DENND2C: variants seen among roughly 807,000 people sequenced by gnomAD.
DENND2C encodes the protein DENN domain containing 2C.
A neutral mutation model predicts 112.4 loss-of-function variants in DENND2C; 72 were observed. That is an observed-to-expected ratio of 0.64 (90% CI 0.53 to 0.78). DENND2C has a LOEUF of 0.78. Among genes scored for constraint, DENND2C ranks in the 30% least tolerant of loss-of-function variants. The pLI, the probability that DENND2C is intolerant of heterozygous loss-of-function variation, is 0.00. For synonymous variants in DENND2C, 329 were observed against 381.6 expected (o/e 0.86, Z 1.61); for missense variants, 992 against 1,113.8 (o/e 0.89, Z 1.56).
At chr1:114,617,771 CAA>C (rs985086726) in intron 8 of DENND2C, among the ~76,000 whole-genome samples, 33 of 150,938 alleles carry the variant, frequency 2.2e-4, no homozygotes, top group Non-Finnish European at 4.0e-4. Flanking sequence ...CTAGCTACAA[CAA>C]AAGAGTCTAT....
chr1:114,636,613 G>A (rs1252231481), intron 3 of DENND2C, among the ~76,000 whole-genome samples: 1 of 152,186 alleles, frequency 6.6e-6, no homozygotes, highest in African/African-American at 2.4e-5. Flanking sequence ...GGTCGAGGCT[G>A]CAGTGAGCAG....
chr1:114,594,297 T>G (rs1019244790), intron 18 of DENND2C, among the ~76,000 whole-genome samples, 176 bp downstream of exon 18: 1 of 152,216 alleles, frequency 6.6e-6, no homozygotes, highest in Non-Finnish European at 1.5e-5. Context: ...GCAAAGGTCC[T>G]GAAATAGAAG....
At position 114,651,858 on chromosome 1, in the gene DENND2C, G is replaced by T. The variant is rs529933561; in HGVS notation, c.-317+2647C>A. On this transcript the variant is annotated intron_variant, in intron 2 of 20. Coordinates refer to ENST00000393274, the MANE Select transcript of DENND2C (RefSeq NM_001256404.2). The stretch of plus-strand genomic sequence containing the variant: ...GCCTCATGCTAAGGAGCAAGGTAAG[G>T]AGAGCATCTGTGTAGGAGGGCTGCC... 2.0e-5 allele frequency among the ~76,000 whole-genome samples: 3 copies of T among 152,072 alleles called. No individual in the cohort carries two copies. In the East Asian group the frequency reaches 5.8e-4, roughly 29 times the overall value.
At chr1:114,635,457 G>T (rs1656629776) in intron 3 of DENND2C, among the ~76,000 whole-genome samples, 1 of 152,204 alleles carries the variant, frequency 6.6e-6, no homozygotes, top group Non-Finnish European at 1.5e-5. Flanking sequence ...GTCTCAGGCT[G>T]CAGTGGGCTA....
chr1:114,645,447 C>A lies in DENND2C; in HGVS notation c.-205+1G>T, dbSNP rs1656954006. 6.6e-6 allele frequency: 1 copy of A among 152,184 alleles called. No homozygotes were observed. The highest frequency in any genetic ancestry group is 1.5e-5 in the Non-Finnish European group (1 of 68,036). 9.4% of individuals were successfully genotyped at this position (152,184 alleles called of 1,614,324 possible). A position where few individuals can be genotyped will look rare whatever the true frequency, so the allele number is the denominator to read the frequency against. On this transcript the variant is annotated splice_donor_variant, in intron 3 of 20. Coordinates refer to ENST00000393274, the MANE Select transcript of DENND2C (RefSeq NM_001256404.2). LOFTEE classifies it low-confidence loss of function (5UTR_SPLICE). ...GGAAACAGGCCTCACAAGAAACTTA[C>A]CCTGTTGGCACCTTGATGTTAGATT...
chr1:114,586,117 G>A (rs74115245), intron 20 of DENND2C, among the ~76,000 whole-genome samples: 364 of 152,208 alleles, frequency 2.4e-3, no homozygotes, highest in African/African-American at 8.5e-3. Context: ...TATAAATATC[G>A]TAGCATATAG....
At chr1:114,635,837 C>T (rs1656639848) in intron 3 of DENND2C, among the ~76,000 whole-genome samples, 1 of 151,772 alleles carries the variant, frequency 6.6e-6, no homozygotes, top group African/African-American at 2.4e-5. Flanking sequence ...TGAAACCGGT[C>T]TCTACTAAAA....
chr1:114,655,635 C>A (rs1004805500), intron 1 of DENND2C, among the ~76,000 whole-genome samples: 1 of 151,932 alleles, frequency 6.6e-6, no homozygotes, highest in Non-Finnish European at 1.5e-5. Flanking sequence ...AGGCGCCCAC[C>A]ACCATGCCCA....
intron 2 of DENND2C, among the ~76,000 whole-genome samples, chr1:114,653,398 T>A (rs2101691500): frequency 6.6e-6 from 1 of 152,232 alleles, no homozygotes; most frequent in African/African-American, 2.4e-5. Flanking sequence ...TGTGAGCCAC[T>A]GCGCCCAGCC....
chr1:114,602,323 C>A, intron 11 of DENND2C, 129 bp from the exon 12 acceptor site: 1 of 824,486 alleles, frequency 1.2e-6, no homozygotes, highest in Non-Finnish European at 1.8e-6. Context: ...CAAACAACCA[C>A]TTACGGCATT....
chr1:114,629,346 C>T (rs980402471), intron 3 of DENND2C, among the ~76,000 whole-genome samples: 3 of 152,150 alleles, frequency 2.0e-5, no homozygotes, highest in Non-Finnish European at 4.4e-5. Flanking sequence ...GGTGCAACCT[C>T]GGCTCACTGC....
chr1:114,621,191 G>T (rs1001618028), intron 7 of DENND2C, among the ~76,000 whole-genome samples: 4 of 152,108 alleles, frequency 2.6e-5, no homozygotes, highest in Non-Finnish European at 4.4e-5. Flanking sequence ...TGGGGGCCAG[G>T]GCAAGAGGAT....
chr1:114,617,874 T>G (rs1656019791), intron 8 of DENND2C, among the ~76,000 whole-genome samples: 1 of 152,348 alleles, frequency 6.6e-6, no homozygotes, highest in Non-Finnish European at 1.5e-5. Flanking sequence ...TTCATTCATT[T>G]ATTTGTTCAT....
Position 114,626,025 on chromosome 1 carries a change from G to A in DENND2C, c.-41C>T, listed in dbSNP as rs1191483382. On this transcript the variant is annotated 5_prime_UTR_variant, in exon 4 of 21. Transcript: ENST00000393274. ...AATGACAAGTGATGAATCTTACAAA[G>A]GTTCCATTACAAGTAAATGTGAAAT... is the stretch of plus-strand genomic sequence containing the variant. 2.0e-6 allele frequency: 3 copies of A among 1,526,070 alleles called. No individual in the cohort carries two copies. The highest frequency in any genetic ancestry group is 2.7e-6 in the Non-Finnish European group (3 of 1,124,306). The allele number at this position is 1,526,070 out of a possible 1,614,324, so 94.5% of individuals were successfully genotyped here.
chr1:114,622,113 GTTGC>G, intron 6 of DENND2C, 48 bp from the exon 7 acceptor site: 1 of 1,476,382 alleles, frequency 6.8e-7, no homozygotes, highest in Non-Finnish European at 9.0e-7. Context: ...TTTTGCTGTT[GTTGC>G]TTGTTTGTTT....
rs1553231827 is a variant in DENND2C at position 114,583,493 on chromosome 1, A to AAAACACACACACAC, written c.*2106_*2107insGTGTGTGTGTGTTT. 31 of 146,008 alleles carry AAAACACACACACAC rather than the reference A, an allele frequency of 2.1e-4. No individual in the cohort carries two copies. Among genetic ancestry groups the AAAACACACACACAC allele is most frequent in the African/African-American group, 7.1e-4 (28 of 39,350 alleles). 9.0% of individuals were successfully genotyped at this position (146,008 alleles called of 1,614,324 possible). On this transcript the variant is annotated 3_prime_UTR_variant, in exon 21 of 21. Transcript: ENST00000393274. ...ACTTGAATTTGCCCATGAGTTTGAA[A>AAAACACACACACAC]ACACACACACACACACACACACACA... is the stretch of plus-strand genomic sequence containing the variant.
rs2101634638 is a variant in DENND2C at position 114,584,004 on chromosome 1, T to C, written c.*1596A>G. On this transcript the variant is annotated 3_prime_UTR_variant, in exon 21 of 21. Transcript: ENST00000393274. ...GAGTCTAATTTAATTAGAGCAAAAA[T>C]TTCAACATTTCTAGGGGAATAAAAA... 6.6e-6 allele frequency: 1 copy of C among 152,260 alleles called. No individual in the cohort carries two copies. The highest frequency in any genetic ancestry group is 2.4e-5 in the African/African-American group (1 of 41,556). The allele number at this position is 152,260 out of a possible 1,614,324, so 9.4% of individuals were successfully genotyped here.
chr1:114,654,848 A>T (rs1570812832), intron 1 of DENND2C, 87 bp from the exon 2 acceptor site: 1 of 152,012 alleles, frequency 6.6e-6, no homozygotes, highest in East Asian at 1.9e-4. Flanking sequence ...TGCCACCCTC[A>T]ACATATGGAT....
At chr1:114,607,721 G>T (rs936046827) in intron 10 of DENND2C, among the ~76,000 whole-genome samples, 4 of 151,926 alleles carry the variant, frequency 2.6e-5, no homozygotes, top group African/African-American at 9.7e-5. Flanking sequence ...TTTAAAAAAA[G>T]GTAGAGAAAC....
Sources: allele counts gnomAD v4.1 joint callset (sites outside exome capture counted in the v4.1 genomes callset), GRCh38; gene constraint gnomAD v4.1.1; transcripts MANE v1.5; gene names NCBI Gene and HGNC (gene_info 2026-07-23, HGNC 2026-07-21).